TCF7L2: variants seen among roughly 807,000 people sequenced by gnomAD.
TCF7L2 encodes transcription factor 7 like 2.
TCF7L2 carries 23 observed loss-of-function variants against 77.9 expected under a neutral mutation model. That is an observed-to-expected ratio of 0.30 (90% CI 0.21 to 0.42). The LOEUF (loss-of-function observed/expected upper bound fraction) is 0.42, where lower values mean the gene tolerates loss of function less well. Among genes scored for constraint, TCF7L2 ranks in the 10% least tolerant of loss-of-function variants. The probability of loss-of-function intolerance (pLI) is 1.00; values close to 1 mark genes in which losing one functional copy is unlikely to be tolerated. For missense variants in TCF7L2, 654 were observed against 793.1 expected (o/e 0.82, Z 2.11); for synonymous variants, 413 against 340.2 (o/e 1.21, Z -2.36).
chr10:113,150,408 A>G (rs1481283106), intron 8 of TCF7L2, among the ~76,000 whole-genome samples: 2 of 152,076 alleles, frequency 1.3e-5, no homozygotes, highest in Admixed American at 1.3e-4. Context: ...GAACTATTTG[A>G]ATTTTCCCTG....
At chr10:113,026,924 A>C (rs901130919) in intron 4 of TCF7L2, among the ~76,000 whole-genome samples, 16 of 152,170 alleles carry the variant, frequency 1.1e-4, no homozygotes, top group Admixed American at 7.9e-4. Context: ...CATACTAATG[A>C]GCTAAGTGGT....
intron 4 of TCF7L2, among the ~76,000 whole-genome samples, chr10:113,025,218 A>ATT (rs35779425): frequency 8.3e-4 from 82 of 98,924 alleles, no homozygotes; most frequent in South Asian, 2.0e-3. Context: ...CTGTGACTGG[A>ATT]TTTTTTTTTT....
At chr10:112,971,937 T>TC (rs1256952136) in intron 4 of TCF7L2, among the ~76,000 whole-genome samples, 1 of 151,760 alleles carries the variant, frequency 6.6e-6, no homozygotes, top group East Asian at 1.9e-4. Context: ...TCCTTTTTTT[T>TC]TGAAGCGGAG....
chr10:113,098,786 G>A (rs760826922), intron 5 of TCF7L2, among the ~76,000 whole-genome samples: 9 of 152,144 alleles, frequency 5.9e-5, no homozygotes, highest in Non-Finnish European at 8.8e-5. Context: ...CCTGTTCTAC[G>A]AATTGTAATA....
intron 6 of TCF7L2, among the ~76,000 whole-genome samples, chr10:113,141,908 T>C (rs1415193675): frequency 6.6e-6 from 1 of 152,264 alleles, no homozygotes; most frequent in Non-Finnish European, 1.5e-5. Context: ...TTTACAGATA[T>C]GAATACTGAA....
rs143155290 is a variant in TCF7L2, at chr10:113,025,533, C to T, written c.451-14492C>T. Among the ~76,000 whole-genome samples the T allele has an allele frequency of 9.2e-3, 1,403 of 152,194 alleles. 17 individuals carry two copies. Among genetic ancestry groups the T allele is most frequent in the African/African-American group, 0.032 (1,330 of 41,514 alleles). On this transcript the variant is annotated intron_variant, in intron 4 of 13. Transcript: ENST00000627217. ...GGATTATAGGCATGAGCCACCGTGC[C>T]CAGCCTTGGCTAATTTTTTATATTT...
At chr10:113,158,567 G>A in intron 12 of TCF7L2, 100 bp from the exon 13 acceptor site, 2 of 1,154,954 alleles carry the variant, frequency 1.7e-6, no homozygotes, top group Non-Finnish European at 2.5e-6. Flanking sequence ...TAGAAATACT[G>A]CATAGGCAAT....
chr10:112,969,628 G>T (rs1308005422), intron 4 of TCF7L2, among the ~76,000 whole-genome samples: 5 of 152,230 alleles, frequency 3.3e-5, no homozygotes, highest in African/African-American at 1.2e-4. Context: ...GTATGTGAGT[G>T]ATACGTGTAG....
chr10:113,095,489 G>A (rs577203409), intron 5 of TCF7L2, among the ~76,000 whole-genome samples: 12 of 152,300 alleles, frequency 7.9e-5, no homozygotes, highest in African/African-American at 2.2e-4. Flanking sequence ...ATCAACCGCC[G>A]TGGTAGCATC....
At chr10:113,076,135 CAA>C (rs34089010) in intron 5 of TCF7L2, among the ~76,000 whole-genome samples, 9 of 65,976 alleles carry the variant, frequency 1.4e-4, no homozygotes, top group Admixed American at 3.9e-4. Flanking sequence ...GACTCCATCT[CAA>C]AAAAAAAAAA....
chr10:113,148,793 A>G (rs1270746003), intron 8 of TCF7L2, among the ~76,000 whole-genome samples: 4 of 152,184 alleles, frequency 2.6e-5, no homozygotes, highest in African/African-American at 9.7e-5. Context: ...ATGTTCACAC[A>G]TGGTCTCTTT....
At chr10:113,000,978 G>C (rs755123771) in intron 4 of TCF7L2, among the ~76,000 whole-genome samples, 2 of 152,142 alleles carry the variant, frequency 1.3e-5, no homozygotes, top group Non-Finnish European at 2.9e-5. Context: ...GTGTGAACAG[G>C]GTTTTGACAA....
At chr10:112,994,090 G>C (rs1297048935) in intron 4 of TCF7L2, among the ~76,000 whole-genome samples, 2 of 151,662 alleles carry the variant, frequency 1.3e-5, no homozygotes, top group African/African-American at 4.8e-5. Flanking sequence ...GCTCTACTGA[G>C]ATATTTAGAA....
intron 5 of TCF7L2, among the ~76,000 whole-genome samples, chr10:113,060,290 C>T (rs918398075): frequency 7.2e-5 from 11 of 152,136 alleles, no homozygotes; most frequent in African/African-American, 1.4e-4. Flanking sequence ...TTACTTGATT[C>T]GAGAAACAAA....
At chr10:112,957,281 C>T (rs555938058) in intron 3 of TCF7L2, among the ~76,000 whole-genome samples, 1 of 133,458 alleles carries the variant, frequency 7.5e-6, no homozygotes, top group Non-Finnish European at 1.5e-5. Flanking sequence ...GTATGGGAGA[C>T]GGCTCTTTAA....
intron 4 of TCF7L2, among the ~76,000 whole-genome samples, chr10:113,020,179 G>A (rs973969223): frequency 6.6e-6 from 1 of 152,216 alleles, no homozygotes. Flanking sequence ...CAGCCATGCT[G>A]CCTCACAGCT....
chr10:113,161,524 T>C (rs958692678), intron 13 of TCF7L2: 2 of 1,531,354 alleles, frequency 1.3e-6, no homozygotes, highest in African/African-American at 2.7e-5. Context: ...TCATTTCCTT[T>C]CTTTAATGAC....
At chr10:113,056,296 G>A (rs1293228260) in intron 5 of TCF7L2, among the ~76,000 whole-genome samples, 3 of 152,298 alleles carry the variant, frequency 2.0e-5, no homozygotes, top group South Asian at 2.1e-4. Context: ...TGAATACCGC[G>A]CCTCATTGCC....
chr10:113,063,005 G>A (rs1424834257), intron 5 of TCF7L2, among the ~76,000 whole-genome samples: 1 of 152,122 alleles, frequency 6.6e-6, no homozygotes, highest in African/African-American at 2.4e-5. Flanking sequence ...TTACATTCGA[G>A]GAAGCAATGC....
Sources: allele counts gnomAD v4.1 joint callset (sites outside exome capture counted in the v4.1 genomes callset), GRCh38; gene constraint gnomAD v4.1.1; transcripts MANE v1.5; gene names NCBI Gene and HGNC (gene_info 2026-07-23, HGNC 2026-07-21).